CLEC6A: variants seen among roughly 807,000 people sequenced by gnomAD.
The protein encoded by CLEC6A is C-type lectin domain containing 6A, also known as C-type lectin domain family 6 member A.
CLEC6A carries 22 observed loss-of-function variants against 25.7 expected under a neutral mutation model. The ratio of observed to expected loss-of-function variants is 0.85; its 90% CI spans 0.61 to 1.22. CLEC6A has a LOEUF of 1.22. Among genes scored for constraint, CLEC6A ranks in the 50% most tolerant of loss-of-function variants. CLEC6A has a pLI of 0.00. For missense variants in CLEC6A, 240 were observed against 236.8 expected (o/e 1.01, Z -0.09); for synonymous variants, 92 against 76.7 (o/e 1.20, Z -1.04).
chr12:8,456,829 G>T (rs1939682249), intron 1 of CLEC6A, among the ~76,000 whole-genome samples: 1 of 152,118 alleles, frequency 6.6e-6, no homozygotes, highest in African/African-American at 2.4e-5. Flanking sequence ...TTATTGTTGG[G>T]TTAGGCTCAG....
At chr12:8,457,871 G>T in intron 1 of CLEC6A, 27 bp from the exon 2 acceptor site, 1 of 1,576,880 alleles carries the variant, frequency 6.3e-7, no homozygotes, top group Non-Finnish European at 8.7e-7. Flanking sequence ...CCTGGTAACT[G>T]CATTTGTTGT....
intron 4 of CLEC6A, among the ~76,000 whole-genome samples, chr12:8,468,136 T>G (rs1445486823): frequency 6.6e-6 from 1 of 152,094 alleles, no homozygotes; most frequent in Admixed American, 6.5e-5. Flanking sequence ...AGAGATAGGG[T>G]TTCACCATGT....
intron 4 of CLEC6A, among the ~76,000 whole-genome samples, chr12:8,467,269 T>A (rs1379909395): frequency 6.6e-6 from 1 of 152,252 alleles, no homozygotes; most frequent in Admixed American, 6.5e-5. Flanking sequence ...CATTGCTAAT[T>A]TCAATGTCAT....
At chr12:8,460,256 G>T (rs1159752495) in intron 3 of CLEC6A, among the ~76,000 whole-genome samples, 1 of 152,178 alleles carries the variant, frequency 6.6e-6, no homozygotes, top group East Asian at 1.9e-4. Context: ...AAAAGAAAGA[G>T]GTTTATTGGA....
At chr12:8,472,375 C>T (rs1358320424) in intron 4 of CLEC6A, among the ~76,000 whole-genome samples, 3 of 152,140 alleles carry the variant, frequency 2.0e-5, no homozygotes, top group African/African-American at 7.2e-5. Flanking sequence ...TTCCTATTAG[C>T]AGTCTGAATT....
chr12:8,464,489 T>C (rs978163955), intron 3 of CLEC6A, among the ~76,000 whole-genome samples: 1 of 152,120 alleles, frequency 6.6e-6, no homozygotes, highest in Non-Finnish European at 1.5e-5. Context: ...CCACCACACC[T>C]GGCTAATTTC....
rs1057039671 is a variant in CLEC6A, at chr12:8,477,231, C to A, written c.486-89C>A. 46 of 999,314 alleles carry A rather than the reference C, an allele frequency of 4.6e-5. No homozygotes were observed. The African/African-American group carries it at 6.5e-4, about 14-fold the overall frequency. The allele number at this position is 999,314 out of a possible 1,614,324, so 61.9% of individuals were successfully genotyped here. ...ATTGGAATGTTCTCTCTTCCTAAATCCCACTTTGTTCACCCCAGACTTTTA... is the reference window on the plus strand; with the variant it reads ...ATTGGAATGTTCTCTCTTCCTAAATACCACTTTGTTCACCCCAGACTTTTA... On this transcript the variant is annotated intron_variant, in intron 5 of 5. Coordinates refer to ENST00000382073, the MANE Select transcript of CLEC6A (RefSeq NM_001007033.2).
intron 2 of CLEC6A, among the ~76,000 whole-genome samples, chr12:8,458,561 A>G (rs1040249729): frequency 6.6e-6 from 1 of 152,210 alleles, no homozygotes; most frequent in African/African-American, 2.4e-5. Flanking sequence ...CTATTCATTG[A>G]TAAGGTGATT....
chr12:8,463,731 G>A (rs908610558), intron 3 of CLEC6A, among the ~76,000 whole-genome samples: 2 of 152,204 alleles, frequency 1.3e-5, no homozygotes, highest in East Asian at 1.9e-4. Context: ...ACCAAAAAGT[G>A]TTCTAATAAG....
chr12:8,460,229 G>A (rs1591705800), intron 3 of CLEC6A, among the ~76,000 whole-genome samples: 2 of 152,188 alleles, frequency 1.3e-5, no homozygotes, highest in African/African-American at 2.4e-5. Flanking sequence ...AGACATACCC[G>A]AGACTGGGCA....
chr12:8,467,751 T>C (rs1939851685), intron 4 of CLEC6A, among the ~76,000 whole-genome samples: 1 of 152,172 alleles, frequency 6.6e-6, no homozygotes, highest in African/African-American at 2.4e-5. Flanking sequence ...AGGGATCACA[T>C]TGACTCTTTA....
At chr12:8,474,477 A>G (rs1939944832) in intron 4 of CLEC6A, among the ~76,000 whole-genome samples, 2 of 152,146 alleles carry the variant, frequency 1.3e-5, no homozygotes, top group South Asian at 4.1e-4. Flanking sequence ...CTGTAGCCTT[A>G]TAGTATAGTT....
At chr12:8,460,839 A>G in intron 3 of CLEC6A, 1 of 983,184 alleles carries the variant, frequency 1.0e-6, no homozygotes, top group Non-Finnish European at 1.6e-6. Context: ...AAAAACGCCC[A>G]GTTCCTAAGG....
In CLEC6A at chr12:8,460,395, T is replaced by C. The variant is rs140009247; in HGVS notation, c.223+697T>C. ...AGATGGGTTTCCTCTTATCAAACCA[T>C]CAGATCTTGTGAGACTTATTCACTA... On this transcript the variant is annotated intron_variant, in intron 3 of 5. Coordinates refer to ENST00000382073, the MANE Select transcript of CLEC6A (RefSeq NM_001007033.2). Among the ~76,000 whole-genome samples, 85 of 152,248 alleles carry C rather than the reference T, an allele frequency of 5.6e-4. 1 individual carries two copies. The East Asian group carries it at 0.015, about 28-fold the overall frequency.
intron 3 of CLEC6A, chr12:8,460,983 T>C (rs771987856): frequency 1.8e-6 from 2 of 1,132,098 alleles, no homozygotes; most frequent in African/African-American, 3.0e-5. Flanking sequence ...ACTGCGTTGG[T>C]GAAGATTCCA....
chr12:8,467,632 C>A (rs1231740768), intron 4 of CLEC6A, among the ~76,000 whole-genome samples: 1 of 152,160 alleles, frequency 6.6e-6, no homozygotes, highest in African/African-American at 2.4e-5. Context: ...GTGAGGCATC[C>A]AACTTTGTTC....
At chr12:8,472,045 C>G (rs1324667889) in intron 4 of CLEC6A, among the ~76,000 whole-genome samples, 4 of 151,948 alleles carry the variant, frequency 2.6e-5, no homozygotes, top group South Asian at 2.1e-4. Context: ...CATTGTACAT[C>G]TTGAGATCTT....
At chr12:8,462,753 C>T (rs1269708870) in intron 3 of CLEC6A, among the ~76,000 whole-genome samples, 1 of 151,966 alleles carries the variant, frequency 6.6e-6, no homozygotes, top group Admixed American at 6.6e-5. Flanking sequence ...CAGAGGCTGG[C>T]GGGATCCTCC....
In CLEC6A at chr12:8,459,615, A is replaced by G. The variant is rs1483876189; in HGVS notation, c.140A>G (p.Tyr47Cys). 1.2e-6 allele frequency: 2 copies of G among 1,608,254 alleles called. No homozygotes were observed. Among genetic ancestry groups the G allele is most frequent in the South Asian group, 2.2e-5 (2 of 90,988 alleles). The change falls in exon 3 of 6, where the codon TAT (tyrosine) becomes TGT (cysteine). Residue 47 changes from tyrosine (Y) to cysteine (C), a missense_variant. By Grantham distance (194) the Tyr-to-Cys change is radical. Transcript: ENST00000382073. ...VSCVVTYHFT[Y>C]GETGKRLSEL... is the part of the protein sequence containing the mutation. ...TTTACAGTAACTTACCATTTTACAT[A>G]TGGTGAAACTGGCAAAAGGCTGTCT...
Sources: gnomAD v4.1 joint callset for allele counts (sites outside exome capture counted in the v4.1 genomes callset) on GRCh38, gnomAD v4.1.1 for gene constraint, MANE v1.5 for transcripts, NCBI Gene and HGNC (gene_info 2026-07-23, HGNC 2026-07-21) for gene names.